Variants in NOP2 observed in about 807,000 individuals in gnomAD.
NOP2 encodes 28S rRNA (cytosine(4447)-C(5))-methyltransferase.
In NOP2, 7 loss-of-function variants were observed where a neutral mutation model predicts 72.7. The ratio of observed to expected loss-of-function variants is 0.10; its 90% CI spans 0.05 to 0.18. The LOEUF (loss-of-function observed/expected upper bound fraction) is 0.18. Ranked by LOEUF, NOP2 falls within the 10% of genes least tolerant of loss-of-function variation. The pLI, the probability that NOP2 is intolerant of heterozygous loss-of-function variation, is 1.00. For missense variants in NOP2, 954 were observed against 1,014.7 expected (o/e 0.94, Z 0.81); for synonymous variants, 387 against 388.0 (o/e 1.00, Z 0.03).
Position 6,566,186 on chromosome 12 carries a change from T to C in NOP2, c.389A>G (p.Asp130Gly). 1.2e-6 allele frequency: 2 copies of C among 1,613,932 alleles called. No homozygotes were observed. The highest frequency in any genetic ancestry group is 1.7e-6 in the Non-Finnish European group (2 of 1,179,852). The change falls in exon 5 of 16, where the codon GAC becomes GGC. Residue 130 changes from aspartate to glycine, a missense_variant. Physicochemically the swap from Asp to Gly is moderately conservative, Grantham distance 94. Transcript: ENST00000322166. ...AGCATCGTCCTCGGAGCCCCAGAGG[T>C]CCCCGTGGTTCACCATACCATCTTC... ...SEEDGMVNHGDLWGSEDDADT... is the reference protein window; with the variant it reads ...SEEDGMVNHGGLWGSEDDADT...
intron 15 of NOP2, among the ~76,000 whole-genome samples, chr12:6,559,757 T>C (rs547676640): frequency 1.9e-4 from 29 of 152,342 alleles, no homozygotes; most frequent in Admixed American, 5.2e-4. Flanking sequence ...CTGAGATTGC[T>C]GGACCAGCAG....
At chr12:6,567,049 C>T (rs1180184101) in intron 2 of NOP2, among the ~76,000 whole-genome samples, 1 of 151,878 alleles carries the variant, frequency 6.6e-6, no homozygotes, top group East Asian at 1.9e-4. Context: ...TCTCAACTCA[C>T]TGCAACCTCC....
intron 8 of NOP2, 51 bp downstream of exon 8, chr12:6,563,264 G>C: frequency 6.4e-7 from 1 of 1,551,718 alleles, no homozygotes; most frequent in Non-Finnish European, 8.7e-7. Flanking sequence ...CTTACACAGC[G>C]TAAGGAGGCG....
Position 6,560,513 on chromosome 12 carries a change from A to G in NOP2, c.1494T>C (p.Ala498=), listed in dbSNP as rs1287049617. The change falls in exon 14 of 16, where the codon GCT becomes GCC. Residue 498 remains alanine, a synonymous_variant. Coordinates refer to ENST00000322166, the MANE Select transcript of NOP2 (RefSeq NM_001258308.2). This position sits in a 1 kb window ranked among gnomAD's most constrained non-coding sequence, Gnocchi z 5.0. ...AHLQKELLLS[A]IDSVNATSKT... ...TGGAGGTCGCATTGACAGAGTCAAT[A>G]GCACTCAGGAGCAACTCCTTCTGGA... The G allele has an allele frequency of 6.2e-7, 1 of 1,605,654 alleles. No homozygotes were observed. The highest frequency in any genetic ancestry group is 1.7e-5 in the Admixed American group (1 of 58,690).
intron 3 of NOP2, 37 bp downstream of exon 3, chr12:6,566,740 C>G: frequency 6.2e-7 from 1 of 1,604,474 alleles, no homozygotes; most frequent in East Asian, 2.2e-5. Context: ...TGAGCAGTAC[C>G]AATTTAACCT....
intron 15 of NOP2, among the ~76,000 whole-genome samples, chr12:6,559,087 A>G (rs1334630133): frequency 6.6e-6 from 1 of 151,704 alleles, no homozygotes; most frequent in Non-Finnish European, 1.5e-5. Context: ...CCTCCTGAGT[A>G]GTTGGGACTA....
In NOP2 at chr12:6,563,364, T is replaced by C. The variant is rs911519097; in HGVS notation, c.839A>G (p.Tyr280Cys). 1.4e-5 allele frequency: 23 copies of C among 1,603,646 alleles called. No homozygotes were observed. Among genetic ancestry groups the C allele is most frequent in the Non-Finnish European group, 1.9e-5 (22 of 1,175,282 alleles). Residue 280 changes from tyrosine to cysteine, a missense_variant, in exon 8 of 16, where the codon TAT (tyrosine) becomes TGT (cysteine). By Grantham distance (194) the Tyr-to-Cys change is radical. Coordinates refer to ENST00000322166, the MANE Select transcript of NOP2 (RefSeq NM_001258308.2). ...GAGCTTGCCAAGCAGGAAGTCTCCA[T>C]AGGAGTAGTAAATGGCCAGATCCTT... ...LKKDLAIYYS[Y>C]GDFLLGKLMD...
chr12:6,566,156 G>T lies in NOP2; in HGVS notation c.419C>A (p.Thr140Lys). ...DLWGSEDDAD[T>K]VDDYGADSNS... ...GGAGTCAGCTCCATAGTCATCTACC[G>T]TATCAGCATCGTCCTCGGAGCCCCA... is the stretch of plus-strand genomic sequence containing the variant. Residue 140 changes from threonine to lysine, a missense_variant, in exon 5 of 16, where the codon ACG (threonine) becomes AAG (lysine). Around this residue, in one of 3 missense-constraint regions of NOP2, gnomAD observed 498 missense variants for 478.3 expected, o/e 1.04. Transcript: ENST00000322166. 6.2e-7 allele frequency: 1 copy of T among 1,613,838 alleles called. No individual in the cohort carries two copies. The highest frequency in any genetic ancestry group is 8.5e-7 in the Non-Finnish European group (1 of 1,179,830).
chr12:6,566,708 G>C, intron 3 of NOP2, 69 bp downstream of exon 3: 1 of 1,587,876 alleles, frequency 6.3e-7, no homozygotes, highest in Non-Finnish European at 8.6e-7. Context: ...TGAGAGTCTA[G>C]AATTAACTCT....
At chr12:6,565,997 T>C (rs904477754) in intron 5 of NOP2, 104 bp downstream of exon 5, 1 of 935,950 alleles carries the variant, frequency 1.1e-6, no homozygotes, top group African/African-American at 1.6e-5. Context: ...ACCCCTTTCC[T>C]CTAGTCAGGC....
In NOP2 at chr12:6,561,083, C is replaced by T. The variant is rs183923188; in HGVS notation, c.1208-13G>A. ...TTCATCAGCTGGGCTAAAGAGAGGG[C>T]AGTAACAGTGCTGATCAGCCAGTTC... On this transcript the variant is annotated splice_polypyrimidine_tract_variant and intron_variant, in intron 11 of 15. Coordinates refer to ENST00000322166, the MANE Select transcript of NOP2 (RefSeq NM_001258308.2). 16 of 1,613,578 alleles carry T rather than the reference C, an allele frequency of 9.9e-6. No homozygotes were observed. The highest frequency in any genetic ancestry group is 1.2e-5 in the Non-Finnish European group (14 of 1,179,630).
intron 9 of NOP2, among the ~76,000 whole-genome samples, chr12:6,562,761 ATG>A (rs1436287839): frequency 6.6e-6 from 1 of 152,108 alleles, no homozygotes; most frequent in Non-Finnish European, 1.5e-5. Context: ...GACTGTGCAT[ATG>A]TGTCTTTTTT....
In NOP2 at chr12:6,566,834, AG is replaced by A; in HGVS notation, c.104-13del. The stretch of plus-strand genomic sequence containing the variant: ...ATTTTCGTCACTTACTGTTTAAAAA[AG>A]AAAAACGAGGCAGAACAAGTTACAG... On this transcript the variant is annotated splice_polypyrimidine_tract_variant and intron_variant, in intron 2 of 15. Transcript: ENST00000322166. The A allele has an allele frequency of 6.2e-7, 1 of 1,607,264 alleles. No homozygotes were observed. Among genetic ancestry groups the A allele is most frequent in the Non-Finnish European group, 8.5e-7 (1 of 1,176,390 alleles).
rs750245234 is a variant in NOP2, at chr12:6,560,573, T to C, written c.1438-4A>G. 1.3e-5 allele frequency: 21 copies of C among 1,594,998 alleles called. No individual in the cohort carries two copies. Among genetic ancestry groups the C allele is most frequent in the Middle Eastern group, 1.7e-4 (1 of 5,976 alleles). On this transcript the variant is annotated splice_region_variant and splice_polypyrimidine_tract_variant and intron_variant, in intron 13 of 15. Transcript: ENST00000322166. The surrounding 1 kb of genome is among the most constrained non-coding windows in gnomAD (Gnocchi z 5.0). The stretch of plus-strand genomic sequence containing the variant: ...AGCGCAGGATGTCCTTCTCATCCTG[T>C]CCCAAAAAGAGACCCAAAGGCAGCC...
Position 6,566,630 on chromosome 12 carries a change from A to G in NOP2, c.150-13T>C. The G allele has an allele frequency of 6.2e-7, 1 of 1,613,226 alleles. No individual in the cohort carries two copies. The highest frequency in any genetic ancestry group is 8.5e-7 in the Non-Finnish European group (1 of 1,179,254). On this transcript the variant is annotated splice_polypyrimidine_tract_variant and intron_variant, in intron 3 of 15. Transcript: ENST00000322166. ...CCTCTTGGCTGCCCTGAAAAGACACAAGAGATTCAAGGAGTGAAGAAATGG... is the reference window on the plus strand; with the variant it reads ...CCTCTTGGCTGCCCTGAAAAGACACGAGAGATTCAAGGAGTGAAGAAATGG...
intron 1 of NOP2, 47 bp downstream of exon 1, chr12:6,568,160 C>T: frequency 1.8e-6 from 1 of 542,668 alleles, no homozygotes; most frequent in Non-Finnish European, 3.3e-6. Flanking sequence ...CGTCCCAGAC[C>T]AGGTCAGTGC....
At position 6,563,302 on chromosome 12, in the gene NOP2, G is replaced by A. The variant is rs771947831; in HGVS notation, c.888+13C>T. ...AAAAGAAAAGCAAAAGAGGCATTCT[G>A]GCAATCCAGTACCTCAGACAGAGGG... On this transcript the variant is annotated intron_variant, in intron 8 of 15. Coordinates refer to ENST00000322166, the MANE Select transcript of NOP2 (RefSeq NM_001258308.2). 1 of 1,577,730 alleles carries A rather than the reference G, an allele frequency of 6.3e-7. No homozygotes were observed. Among genetic ancestry groups the A allele is most frequent in the Non-Finnish European group, 8.6e-7 (1 of 1,161,398 alleles).
chr12:6,557,582 T>C lies in NOP2; in HGVS notation c.1850A>G (p.Glu617Gly). ...TTTCTTGGCTGGCTGGCTGCTGTTC[T>C]CAGACTTGGGGATGACCTGAGGCAA... ...VDLPQVIPKSENSSQPAKKAK... is the reference protein window; with the variant it reads ...VDLPQVIPKSGNSSQPAKKAK... Residue 617 changes from glutamate to glycine, a missense_variant, in exon 16 of 16, where the codon GAG (glutamate) becomes GGG (glycine). This residue lies in a region of NOP2 where 269 missense variants were observed against 260.2 expected (regional missense o/e 1.03). Transcript: ENST00000322166. The C allele has an allele frequency of 6.2e-7, 1 of 1,613,892 alleles. No individual in the cohort carries two copies. The highest frequency in any genetic ancestry group is 8.5e-7 in the Non-Finnish European group (1 of 1,179,832).
intron 15 of NOP2, among the ~76,000 whole-genome samples, chr12:6,559,520 CCAGA>C (rs1435323800): frequency 3.3e-5 from 5 of 152,116 alleles, no homozygotes; most frequent in African/African-American, 1.2e-4. Flanking sequence ...GCCACCACGC[CCAGA>C]CAAATTCTAC....
Sources: allele counts gnomAD v4.1 joint callset (sites outside exome capture counted in the v4.1 genomes callset), GRCh38; gene constraint gnomAD v4.1.1; regional missense constraint gnomAD v4.1.1; non-coding constraint Gnocchi (gnomAD v3.1); transcripts MANE v1.5; gene names NCBI Gene and HGNC (gene_info 2026-07-23, HGNC 2026-07-21).